ADARB2: variants seen among roughly 807,000 people sequenced by gnomAD.
ADARB2 encodes the protein adenosine deaminase RNA specific B2 (inactive), also known as inactive double-stranded RNA-specific editase B2.
A neutral mutation model predicts 62.2 loss-of-function variants in ADARB2; 25 were observed. That is an observed-to-expected ratio of 0.40 (90% confidence interval 0.29 to 0.56). ADARB2 has a LOEUF of 0.56. ADARB2 is among the 20% of genes least tolerant of loss of function. The pLI is 0.43. For synonymous variants in ADARB2, 572 were observed against 500.8 expected (o/e 1.14, Z -1.90); for missense variants, 1,071 against 1,077.4 (o/e 0.99, Z 0.08).
chr10:1,675,921 G>T, intron 1 of ADARB2: 1 of 861,280 alleles, frequency 1.2e-6, no homozygotes, highest in Non-Finnish European at 1.4e-6. Context: ...AGGTCCGCGT[G>T]GGTCAGAGTT....
intron 1 of ADARB2, among the ~76,000 whole-genome samples, chr10:1,716,393 A>G (rs985148574): frequency 6.6e-6 from 1 of 152,278 alleles, no homozygotes; most frequent in Admixed American, 6.5e-5. Flanking sequence ...CAGACAAAGT[A>G]AAAATTGTAG....
intron 1 of ADARB2, among the ~76,000 whole-genome samples, chr10:1,519,965 C>A (rs1400212748): frequency 6.6e-6 from 1 of 152,190 alleles, no homozygotes; most frequent in Admixed American, 6.5e-5. Context: ...ACACCCTGGG[C>A]AAATCCTTTC....
At chr10:1,705,120 C>T (rs1377893589) in intron 1 of ADARB2, among the ~76,000 whole-genome samples, 3 of 152,182 alleles carry the variant, frequency 2.0e-5, no homozygotes, top group East Asian at 1.9e-4. Flanking sequence ...ATTAAAGTGG[C>T]ATTTCTTCAC....
chr10:1,372,547 C>T (rs1832382288), intron 2 of ADARB2, among the ~76,000 whole-genome samples: 1 of 152,146 alleles, frequency 6.6e-6, no homozygotes, highest in Non-Finnish European at 1.5e-5. Context: ...CCATGAAAGA[C>T]ACTGTAAGCT....
chr10:1,486,125 C>G (rs1203415798), intron 1 of ADARB2, among the ~76,000 whole-genome samples: 1 of 151,838 alleles, frequency 6.6e-6, no homozygotes, highest in African/African-American at 2.4e-5. Context: ...TGTGGTTGGG[C>G]CAATTATCTC....
At chr10:1,248,870 G>A (rs1831011325) in intron 4 of ADARB2, among the ~76,000 whole-genome samples, 1 of 152,248 alleles carries the variant, frequency 6.6e-6, no homozygotes, top group East Asian at 1.9e-4. Context: ...ACCAAGCACA[G>A]TGAGTTTTGT....
chr10:1,344,667 C>T (rs557175474), intron 3 of ADARB2, among the ~76,000 whole-genome samples: 1 of 152,298 alleles, frequency 6.6e-6, no homozygotes, highest in South Asian at 2.1e-4. Flanking sequence ...GGCAAAATGT[C>T]AGCAACTGGT....
intron 1 of ADARB2, among the ~76,000 whole-genome samples, chr10:1,420,071 T>C (rs1404516933): frequency 6.6e-6 from 1 of 152,224 alleles, no homozygotes; most frequent in Non-Finnish European, 1.5e-5. Context: ...GGCATGAAAT[T>C]TAAGCACAAG....
intron 4 of ADARB2, among the ~76,000 whole-genome samples, chr10:1,266,845 T>C (rs1469953303): frequency 6.6e-6 from 1 of 151,672 alleles, no homozygotes; most frequent in Non-Finnish European, 1.5e-5. Context: ...AAAGGAAGAA[T>C]GGAGGATAAG....
At chr10:1,617,536 C>T in intron 1 of ADARB2, among the ~76,000 whole-genome samples, 1 of 150,598 alleles carries the variant, frequency 6.6e-6, no homozygotes, top group African/African-American at 2.4e-5. Context: ...GAACTGACCT[C>T]AGAGGGTTAC....
At chr10:1,370,808 C>G (rs989048136) in intron 2 of ADARB2, among the ~76,000 whole-genome samples, 1 of 152,170 alleles carries the variant, frequency 6.6e-6, no homozygotes, top group Admixed American at 6.5e-5. Context: ...ATTGTAGACA[C>G]AAACCAATGG....
At chr10:1,269,794 C>T (rs373836148) in intron 4 of ADARB2, among the ~76,000 whole-genome samples, 2 of 152,200 alleles carry the variant, frequency 1.3e-5, no homozygotes, top group African/African-American at 4.8e-5. Context: ...TGGCTGCATG[C>T]TGGAGGATGA....
At chr10:1,303,776 G>A (rs1033187363) in intron 3 of ADARB2, among the ~76,000 whole-genome samples, 4 of 152,112 alleles carry the variant, frequency 2.6e-5, no homozygotes, top group Non-Finnish European at 5.9e-5. Flanking sequence ...GCCAAACTAA[G>A]CTTCATAAGT....
intron 3 of ADARB2, among the ~76,000 whole-genome samples, chr10:1,273,916 C>T (rs999073369): frequency 1.3e-5 from 2 of 152,168 alleles, no homozygotes; most frequent in Admixed American, 1.3e-4. Flanking sequence ...CTGCCAGGCC[C>T]GGGGCTCGTG....
chr10:1,457,597 C>T (rs775344092), intron 1 of ADARB2, among the ~76,000 whole-genome samples: 1 of 152,190 alleles, frequency 6.6e-6, no homozygotes, highest in Non-Finnish European at 1.5e-5. Flanking sequence ...CGCAATACTG[C>T]TTTCCTTTTG....
rs950720178 is a variant in ADARB2, at chr10:1,494,137, G to A, written c.101-114977C>T. Among the ~76,000 whole-genome samples the A allele has an allele frequency of 7.2e-5, 11 of 152,224 alleles. No homozygotes were observed. The East Asian group carries it at 1.2e-3, about 16-fold the overall frequency. On this transcript the variant is annotated intron_variant, in intron 1 of 9. Coordinates refer to ENST00000381312, the MANE Select transcript of ADARB2 (RefSeq NM_018702.4). ...ATTTGCATGGTTTCTTACTCAGGAC[G>A]CTAATTTTAGGTATTCAATAGAAAA... is the stretch of plus-strand genomic sequence containing the variant.
intron 1 of ADARB2, among the ~76,000 whole-genome samples, chr10:1,669,707 G>C (rs1834358059): frequency 6.7e-6 from 1 of 148,702 alleles, no homozygotes; most frequent in African/African-American, 2.5e-5. Context: ...CACCCACAGG[G>C]AGACACACCT....
At chr10:1,586,434 A>G (rs915196997) in intron 1 of ADARB2, among the ~76,000 whole-genome samples, 1 of 152,140 alleles carries the variant, frequency 6.6e-6, no homozygotes, top group Non-Finnish European at 1.5e-5. Context: ...CTCAGCCCAC[A>G]TTTTCAGATG....
chr10:1,717,869 C>A (rs1034632496), intron 1 of ADARB2, among the ~76,000 whole-genome samples: 1 of 152,188 alleles, frequency 6.6e-6, no homozygotes, highest in Non-Finnish European at 1.5e-5. Context: ...TGAGCCCCCA[C>A]ACCCAGACAC....
Sources: gnomAD v4.1 joint callset for allele counts (sites outside exome capture counted in the v4.1 genomes callset) on GRCh38, gnomAD v4.1.1 for gene constraint, MANE v1.5 for transcripts, NCBI Gene and HGNC (gene_info 2026-07-23, HGNC 2026-07-21) for gene names.